Variants in OTUD5 observed in about 807,000 individuals in gnomAD.
OTUD5 encodes the protein OTU domain-containing protein 5.
A neutral mutation model predicts 36.3 loss-of-function variants in OTUD5; 2 were observed. That is an observed-to-expected ratio of 0.06 (90% CI 0.02 to 0.17). The LOEUF (loss-of-function observed/expected upper bound fraction) is 0.17. OTUD5 is among the 10% of genes least tolerant of loss of function. The probability of loss-of-function intolerance (pLI) is 1.00; values close to 1 mark genes in which losing one functional copy is unlikely to be tolerated. For missense variants in OTUD5, 233 were observed against 512.3 expected (o/e 0.45, Z 5.26); for synonymous variants, 234 against 214.9 (o/e 1.09, Z -0.78).
intron 6 of OTUD5, 29 bp downstream of exon 6, chrX:48,925,818 C>A: frequency 8.6e-7 from 1 of 1,168,309 alleles, no homozygotes. Flanking sequence ...GAGTTTTTGG[C>A]CAAGCCTGTG....
intron 2 of OTUD5, among the ~76,000 whole-genome samples, chrX:48,935,569 C>G (rs1407420010): frequency 9.0e-6 from 1 of 111,077 alleles, no homozygotes; most frequent in Non-Finnish European, 1.9e-5. Context: ...CTGCCAGATA[C>G]TAGAGAGTTG....
chrX:48,922,984 G>A lies in OTUD5; in HGVS notation c.*190C>T. ...GGGCACATCAGCTGGCAGAGAGACA[G>A]GTGATAGTGGCAGCGGCAATGAGAG... On this transcript the variant is annotated 3_prime_UTR_variant, in exon 9 of 9. Transcript: ENST00000376488. The A allele has an allele frequency of 9.2e-7, 1 of 1,083,552 alleles. No individual in the cohort carries two copies. The highest frequency in any genetic ancestry group is 1.2e-6 in the Non-Finnish European group (1 of 834,900). 89.3% of individuals were successfully genotyped at this position (1,083,552 alleles called of 1,213,427 possible).
At chrX:48,945,746 C>T (rs1482564118) in intron 1 of OTUD5, among the ~76,000 whole-genome samples, 1 of 111,095 alleles carries the variant, frequency 9.0e-6, no homozygotes, top group Admixed American at 9.6e-5. Flanking sequence ...AGTATACACA[C>T]CAGGTAAGTT....
intron 5 of OTUD5, among the ~76,000 whole-genome samples, chrX:48,930,363 G>A (rs1261182401): frequency 1.8e-5 from 2 of 111,939 alleles, no homozygotes; most frequent in Non-Finnish European, 3.8e-5. Flanking sequence ...ATCTGATGGC[G>A]TATCTACTGT....
Position 48,924,640 on chromosome X carries a change from G to A in OTUD5, c.1264-588C>T, listed in dbSNP as rs183868599. ...ACCGGCCTCCCTCTGGGCTGTGCCT[G>A]AGTTGTACCAGGTGTGTGGGCCTGC... On this transcript the variant is annotated intron_variant, in intron 6 of 8. Transcript: ENST00000376488. Among the ~76,000 whole-genome samples, 6 of 111,699 alleles carry A rather than the reference G, an allele frequency of 5.4e-5. No individual in the cohort carries two copies. The East Asian group carries it at 1.7e-3, about 32-fold the overall frequency.
chrX:48,945,476 T>C (rs1047016631), intron 1 of OTUD5, among the ~76,000 whole-genome samples: 50 of 108,935 alleles, frequency 4.6e-4, no homozygotes, highest in African/African-American at 1.7e-3. Flanking sequence ...TTCACCATGT[T>C]AGCCAGGATG....
At chrX:48,953,931 A>T (rs1221319311) in intron 1 of OTUD5, among the ~76,000 whole-genome samples, 2 of 110,326 alleles carry the variant, frequency 1.8e-5, no homozygotes, top group African/African-American at 6.6e-5. Context: ...AACCACCCCT[A>T]GTGACAGTTT....
At chrX:48,933,910 A>AAGAG (rs199515170) in intron 5 of OTUD5, among the ~76,000 whole-genome samples, 15 of 109,963 alleles carry the variant, frequency 1.4e-4, no homozygotes, top group South Asian at 7.8e-4. Context: ...AAATGACTGT[A>AAGAG]AGAGAGAGAG....
intron 1 of OTUD5, among the ~76,000 whole-genome samples, chrX:48,955,541 G>A (rs1285339694): frequency 4.5e-5 from 5 of 111,325 alleles, no homozygotes; most frequent in Non-Finnish European, 5.7e-5. Flanking sequence ...GTCCCTGAAG[G>A]AAAGCTCAAG....
chrX:48,923,069 G>C lies in OTUD5; in HGVS notation c.*105C>G, dbSNP rs2063606085. 1 of 1,182,324 alleles carries C rather than the reference G, an allele frequency of 8.5e-7. No homozygotes were observed. The highest frequency in any genetic ancestry group is 1.1e-6 in the Non-Finnish European group (1 of 879,765). ...GGAGGAGGGAAAAGAGGGGAGAGCA[G>C]AAAGAACAGAAGGAGGCAAGAGGGA... On this transcript the variant is annotated 3_prime_UTR_variant, in exon 9 of 9. Transcript: ENST00000376488.
At chrX:48,935,679 C>A (rs910788728) in intron 2 of OTUD5, among the ~76,000 whole-genome samples, 1 of 111,069 alleles carries the variant, frequency 9.0e-6, no homozygotes, top group Non-Finnish European at 1.9e-5. Flanking sequence ...AGGCTCACAC[C>A]TGTTATCCCA....
chrX:48,957,421 G>A lies in OTUD5; in HGVS notation c.150C>T (p.Arg50=), dbSNP rs1333118859. The A allele has an allele frequency of 1.9e-6, 2 of 1,069,323 alleles. No homozygotes were observed. Among genetic ancestry groups the A allele is most frequent in the Non-Finnish European group, 2.4e-6 (2 of 830,598 alleles). 88.1% of individuals were successfully genotyped at this position (1,069,323 alleles called of 1,213,427 possible). The part of the protein sequence containing the change: ...GGGTGVGGGD[R]DRDSGVVGAR... ...CCCCCACGACGCCGGAGTCACGGTC[G>A]CGATCGCCGCCGCCCACGCCCGTGC... Residue 50 remains arginine, a synonymous_variant, in exon 1 of 9, where the codon CGC becomes CGT. Transcript: ENST00000376488.
intron 5 of OTUD5, among the ~76,000 whole-genome samples, chrX:48,931,878 C>T (rs1303258694): frequency 2.0e-5 from 2 of 99,192 alleles, no homozygotes. Flanking sequence ...GGGCTGGGCG[C>T]GTTGGCTCAC....
At chrX:48,930,727 G>C (rs1396851981) in intron 5 of OTUD5, among the ~76,000 whole-genome samples, 1 of 111,456 alleles carries the variant, frequency 9.0e-6, no homozygotes, top group Non-Finnish European at 1.9e-5. Context: ...GGGAGACCGA[G>C]GAGGGTGGAT....
chrX:48,930,491 G>A (rs1475326101), intron 5 of OTUD5, among the ~76,000 whole-genome samples: 1 of 112,144 alleles, frequency 8.9e-6, no homozygotes, highest in East Asian at 2.8e-4. Flanking sequence ...GATGGTTACA[G>A]GTAGAAATAT....
At chrX:48,950,480 G>C (rs1041281830) in intron 1 of OTUD5, among the ~76,000 whole-genome samples, 2 of 108,084 alleles carry the variant, frequency 1.9e-5, no homozygotes, top group Non-Finnish European at 3.8e-5. Flanking sequence ...TGGATGCAGT[G>C]AAACTGATTG....
chrX:48,957,639 G>A (rs782486801), upstream of OTUD5: 55 of 794,673 alleles, frequency 6.9e-5, no homozygotes, highest in South Asian at 8.7e-4. Context: ...CGGATGAGGG[G>A]GCTAGTGTAG....
chrX:48,928,309 C>T (rs1479245613), intron 5 of OTUD5, among the ~76,000 whole-genome samples: 1 of 112,163 alleles, frequency 8.9e-6, no homozygotes, highest in Non-Finnish European at 1.9e-5. Flanking sequence ...ACAAAAAAAC[C>T]TGCATGCACA....
chrX:48,944,086 G>C (rs2063980423), intron 2 of OTUD5, 104 bp downstream of exon 2: 1 of 549,615 alleles, frequency 1.8e-6, no homozygotes, highest in East Asian at 3.6e-5. Context: ...GTCCCTAAAA[G>C]ATTAGCTAGC....
Sources: gnomAD v4.1 joint callset for allele counts (sites outside exome capture counted in the v4.1 genomes callset) on GRCh38, gnomAD v4.1.1 for gene constraint, MANE v1.5 for transcripts, NCBI Gene and HGNC (gene_info 2026-07-23, HGNC 2026-07-21) for gene names.